The following MICAL2 variants were observed in gnomAD, a reference collection of about 807,000 sequenced individuals.
MICAL2 encodes [F-actin]-monooxygenase MICAL2.
A neutral mutation model predicts 127.3 loss-of-function variants in MICAL2; 77 were observed. The observed-to-expected ratio is 0.60, with a 90% CI of 0.50 to 0.73. The LOEUF (loss-of-function observed/expected upper bound fraction) is 0.73, where lower values mean the gene tolerates loss of function less well. Among genes scored for constraint, MICAL2 ranks in the 30% least tolerant of loss-of-function variants. The pLI is 0.00. For missense variants in MICAL2, 1,351 were observed against 1,434.4 expected, an observed-to-expected ratio of 0.94 and a Z score of 0.94; for synonymous variants, 570 against 551.1, an observed-to-expected ratio of 1.03 and a Z score of -0.48.
At chr11:12,242,501 C>A in intron 19 of MICAL2, 69 bp downstream of exon 19, 1 of 1,524,638 alleles carries the variant, frequency 6.6e-7, no homozygotes, top group East Asian at 2.3e-5. Flanking sequence ...CTCCCTCCTC[C>A]TACCCGGGTG....
intron 3 of MICAL2, among the ~76,000 whole-genome samples, chr11:12,194,833 G>A (rs1204225381): frequency 2.0e-5 from 3 of 152,182 alleles, no homozygotes; most frequent in African/African-American, 7.2e-5. Context: ...TTCACAGGGA[G>A]AAAACCGAGG....
intron 32 of MICAL2, chr11:12,349,753 A>G: frequency 2.2e-6 from 3 of 1,334,194 alleles, no homozygotes; most frequent in Non-Finnish European, 2.1e-6. Flanking sequence ...CACTACAAAC[A>G]TAACCTGCTA....
At chr11:12,342,371 C>T (rs1280106055) in intron 32 of MICAL2, among the ~76,000 whole-genome samples, 2 of 152,158 alleles carry the variant, frequency 1.3e-5, no homozygotes, top group Non-Finnish European at 2.9e-5. Flanking sequence ...GGATGATCTA[C>T]GCAGCCACAT....
At chr11:12,192,217 G>A (rs1171975796) in intron 3 of MICAL2, among the ~76,000 whole-genome samples, 2 of 152,180 alleles carry the variant, frequency 1.3e-5, no homozygotes, top group Non-Finnish European at 2.9e-5. Context: ...CTTTCAGCTT[G>A]GACAGTGCAC....
chr11:12,189,320 T>C (rs912536785), intron 3 of MICAL2, among the ~76,000 whole-genome samples: 1 of 152,180 alleles, frequency 6.6e-6, no homozygotes, highest in African/African-American at 2.4e-5. Flanking sequence ...TTTGTTTTTG[T>C]TTTTGCTAAA....
chr11:12,211,737 G>A (rs564087948), intron 6 of MICAL2, among the ~76,000 whole-genome samples: 4 of 152,252 alleles, frequency 2.6e-5, no homozygotes, highest in African/African-American at 9.6e-5. Flanking sequence ...AAGAGCCCAA[G>A]AGCCAGCAAA....
chr11:12,292,345 C>T (rs762458592), downstream of MICAL2: 1 of 1,592,472 alleles, frequency 6.3e-7, no homozygotes, highest in Non-Finnish European at 8.6e-7. Flanking sequence ...GCTAACCTAC[C>T]TGTACTCTTC....
In MICAL2 at chr11:12,232,732, ATAAAT is replaced by A. The variant is rs542026108; in HGVS notation, c.1996-3444_1996-3440del. Among the ~76,000 whole-genome samples the A allele has an allele frequency of 5.1e-3, 780 of 152,340 alleles. 7 individuals carry two copies. The highest frequency in any genetic ancestry group is 0.018 in the African/African-American group (751 of 41,570). ...ACAAGACCCTGTCCCCAAAAAGAGA[ATAAAT>A]AAAATAAATTATGTTACTAACACTA... is the stretch of plus-strand genomic sequence containing the variant. On this transcript the variant is annotated intron_variant, in intron 15 of 27. Coordinates refer to ENST00000683283, the MANE Select transcript of MICAL2 (RefSeq NM_001282663.2).
intron 16 of MICAL2, among the ~76,000 whole-genome samples, chr11:12,237,753 G>A (rs1236924545): frequency 6.6e-6 from 1 of 152,184 alleles, no homozygotes; most frequent in Non-Finnish European, 1.5e-5. Context: ...AGATCCAGGA[G>A]CAGCAGCAGC....
chr11:12,332,469 G>T (rs979489673), intron 32 of MICAL2, among the ~76,000 whole-genome samples: 1 of 152,220 alleles, frequency 6.6e-6, no homozygotes, highest in East Asian at 1.9e-4. Flanking sequence ...TAATGGTCAG[G>T]AGTAATAAGA....
At chr11:12,305,982 T>G (rs1286868025) in intron 29 of MICAL2, among the ~76,000 whole-genome samples, 11 of 152,236 alleles carry the variant, frequency 7.2e-5, no homozygotes, top group Admixed American at 7.2e-4. Context: ...AGTCAGATTT[T>G]TAAAAATTAT....
At chr11:12,245,099 G>C (rs1023723342) in intron 21 of MICAL2, among the ~76,000 whole-genome samples, 1 of 152,146 alleles carries the variant, frequency 6.6e-6, no homozygotes, top group African/African-American at 2.4e-5. Flanking sequence ...AATAATACCA[G>C]GCTTGGGTGG....
chr11:12,204,113 C>G (rs981586996), intron 3 of MICAL2, 137 bp from the exon 4 acceptor site: 29 of 774,742 alleles, frequency 3.7e-5, no homozygotes, highest in Non-Finnish European at 1.9e-5. Context: ...ATGACAGGCC[C>G]TAACAGGTAC....
intron 32 of MICAL2, chr11:12,349,692 C>T: frequency 1.5e-6 from 1 of 660,968 alleles, no homozygotes; most frequent in Non-Finnish European, 2.6e-6. Flanking sequence ...ATACCCATAA[C>T]CTGGAGGCAC....
chr11:12,273,656 G>C (rs1863695905), upstream of MICAL2, among the ~76,000 whole-genome samples: 1 of 151,684 alleles, frequency 6.6e-6, no homozygotes. Flanking sequence ...GGAAGAGATT[G>C]TATCTCCCAG....
chr11:12,282,154 GA>G (rs1199373570), intron 2 of MICAL2, among the ~76,000 whole-genome samples: 1 of 152,170 alleles, frequency 6.6e-6, no homozygotes, highest in Non-Finnish European at 1.5e-5. Context: ...TGGAATTGTT[GA>G]ATTTACTCTA....
chr11:12,335,456 A>C (rs1938734596), intron 32 of MICAL2, among the ~76,000 whole-genome samples: 1 of 152,046 alleles, frequency 6.6e-6, no homozygotes, highest in Non-Finnish European at 1.5e-5. Context: ...TCTTGAGTTT[A>C]ATTAGATCCC....
chr11:12,328,004 G>T lies in MICAL2; in HGVS notation c.5515+738G>T, dbSNP rs1590739370. Among the ~76,000 whole-genome samples the T allele has an allele frequency of 2.6e-5, 4 of 151,830 alleles. No homozygotes were observed. In the East Asian group the frequency reaches 7.8e-4, roughly 29 times the overall value. On this transcript the variant is annotated intron_variant, in intron 32 of 34. Coordinates refer to the MICAL2 transcript ENST00000646065. ...TTTTCTCATCTAAAATGGGGATAAT[G>T]GTGGTTTTCTCCTTTATAGAACTGA...
At chr11:12,341,664 G>A (rs1424486486) in intron 32 of MICAL2, among the ~76,000 whole-genome samples, 7 of 151,730 alleles carry the variant, frequency 4.6e-5, no homozygotes, top group African/African-American at 1.2e-4. Context: ...CCATCTCTAC[G>A]AAAAATATAA....
Sources: allele counts gnomAD v4.1 joint callset (sites outside exome capture counted in the v4.1 genomes callset), GRCh38; gene constraint gnomAD v4.1.1; transcripts MANE v1.5; gene names NCBI Gene and HGNC (gene_info 2026-07-23, HGNC 2026-07-21).